Variants in DDX52 observed in about 807,000 individuals in gnomAD.
The protein encoded by DDX52 is DExD-box helicase 52, also known as probable ATP-dependent RNA helicase DDX52.
Under a neutral mutation model 76.1 loss-of-function variants are expected in DDX52, and 59 were observed. That is an observed-to-expected ratio of 0.78 (90% CI 0.63 to 0.96). DDX52 has a LOEUF of 0.96. DDX52 is among the 40% of genes least tolerant of loss of function. DDX52 has a pLI of 0.00. For synonymous variants in DDX52, 231 were observed against 244.1 expected (o/e 0.95, Z 0.50); for missense variants, 707 against 703.9 (o/e 1.00, Z -0.05).
At chr17:37,637,263 G>A (rs1178357150) in intron 2 of DDX52, among the ~76,000 whole-genome samples, 1 of 150,256 alleles carries the variant, frequency 6.7e-6, no homozygotes, top group Non-Finnish European at 1.5e-5. Flanking sequence ...TCCCAGGTAG[G>A]TGAGATTACA....
chr17:37,629,744 A>G (rs2030583928), intron 5 of DDX52, among the ~76,000 whole-genome samples: 1 of 152,212 alleles, frequency 6.6e-6, no homozygotes, highest in South Asian at 2.1e-4. Context: ...GAGAAAAATA[A>G]ATGTCCAAGC....
intron 2 of DDX52, 149 bp from the exon 3 acceptor site, chr17:37,633,567 G>T: frequency 2.2e-6 from 1 of 451,952 alleles, no homozygotes; most frequent in Non-Finnish European, 3.3e-6. Flanking sequence ...GAGTGGGGAG[G>T]ATCATTTGAG....
intron 14 of DDX52, among the ~76,000 whole-genome samples, chr17:37,616,835 C>T (rs1355859894): frequency 2.0e-5 from 3 of 152,184 alleles, no homozygotes; most frequent in African/African-American, 4.8e-5. Flanking sequence ...TATATATACA[C>T]TGTATATTTG....
chr17:37,621,082 C>T (rs934728362), intron 11 of DDX52, 45 bp downstream of exon 11: 2 of 1,582,946 alleles, frequency 1.3e-6, no homozygotes, highest in Non-Finnish European at 1.7e-6. Context: ...GGTCCTAAGA[C>T]AGATCAGTGG....
chr17:37,621,662 T>C, intron 9 of DDX52, 142 bp from the exon 10 acceptor site: 4 of 1,009,394 alleles, frequency 4.0e-6, no homozygotes, highest in Non-Finnish European at 5.6e-6. Context: ...GTGGTCTAAT[T>C]CTGCCTCCAT....
intron 4 of DDX52, among the ~76,000 whole-genome samples, chr17:37,630,390 T>A (rs1342438560): frequency 6.6e-6 from 1 of 152,206 alleles, no homozygotes; most frequent in Non-Finnish European, 1.5e-5. Context: ...TTTGAATGAG[T>A]GTAAAGAATA....
intron 2 of DDX52, among the ~76,000 whole-genome samples, chr17:37,639,281 C>G (rs1050634184): frequency 6.6e-6 from 1 of 151,918 alleles, no homozygotes; most frequent in Admixed American, 6.6e-5. Flanking sequence ...ACAACGTACA[C>G]GAAGAGACAA....
chr17:37,624,200 T>C, intron 9 of DDX52, 144 bp downstream of exon 9: 1 of 522,516 alleles, frequency 1.9e-6, no homozygotes, highest in Non-Finnish European at 3.4e-6. Flanking sequence ...GTTAGCACAA[T>C]GTACTTTCTT....
chr17:37,629,883 G>T, intron 5 of DDX52, 147 bp downstream of exon 5: 2 of 974,988 alleles, frequency 2.1e-6, no homozygotes, highest in Non-Finnish European at 2.9e-6. Flanking sequence ...CATGGAGTAA[G>T]ATCCGGAGCA....
chr17:37,630,273 T>A, intron 4 of DDX52, 100 bp from the exon 5 acceptor site: 3 of 1,218,878 alleles, frequency 2.5e-6, no homozygotes, highest in Non-Finnish European at 3.3e-6. Context: ...ACAAATACAA[T>A]TTTACATAAT....
At chr17:37,623,405 A>G (rs2030203057) in intron 9 of DDX52, among the ~76,000 whole-genome samples, 1 of 152,158 alleles carries the variant, frequency 6.6e-6, no homozygotes, top group African/African-American at 2.4e-5. Flanking sequence ...AGCCTGGGTG[A>G]AAGAGCGAGA....
chr17:37,614,401 T>A (rs780517825), intron 14 of DDX52, 48 bp from the exon 15 acceptor site: 2 of 1,572,486 alleles, frequency 1.3e-6, no homozygotes, highest in Non-Finnish European at 8.7e-7. Context: ...TCTACGTATA[T>A]TTACTTTCCA....
intron 13 of DDX52, 55 bp from the exon 14 acceptor site, chr17:37,618,439 A>T (rs929887476): frequency 7.2e-7 from 1 of 1,395,002 alleles, no homozygotes; most frequent in Non-Finnish European, 9.7e-7. Context: ...CAATTAGAAG[A>T]GTTAAAGCTA....
At position 37,621,169 on chromosome 17, in the gene DDX52, A is replaced by C; in HGVS notation, c.1459T>G (p.Tyr487Asp). Residue 487 changes from tyrosine to aspartate, a missense_variant, in exon 11 of 15, where the codon TAT (tyrosine) becomes GAT (aspartate). Tyr to Asp is a radical substitution (Grantham distance 160). Transcript: ENST00000617633. ...DFKGVNLVIN[Y>D]DFPTSSVEYI... Reference sequence around the variant, plus strand: ...TCCACTGAGCTAGTTGGAAAGTCATAGTTGATCACCAAGTTCACACCTTTA... The same window carrying C: ...TCCACTGAGCTAGTTGGAAAGTCATCGTTGATCACCAAGTTCACACCTTTA... 2.5e-6 allele frequency: 4 copies of C among 1,613,558 alleles called. No homozygotes were observed. Among genetic ancestry groups the C allele is most frequent in the Non-Finnish European group, 3.4e-6 (4 of 1,179,830 alleles).
chr17:37,625,231 G>A lies in DDX52; in HGVS notation c.1136+664C>T, dbSNP rs1367908430. Among the ~76,000 whole-genome samples, 6 of 152,184 alleles carry A rather than the reference G, an allele frequency of 3.9e-5. No homozygotes were observed. The East Asian group carries it at 5.8e-4, about 15-fold the overall frequency. On this transcript the variant is annotated intron_variant, in intron 8 of 14. Coordinates refer to ENST00000617633, the MANE Select transcript of DDX52 (RefSeq NM_007010.5). ...TGGTCTCGAACTCCTGACCTCAGGC[G>A]ATCTACCTGCCTCTGCCTCCCAAAG...
chr17:37,619,934 T>C (rs1038445221), intron 12 of DDX52, 95 bp from the exon 13 acceptor site: 139 of 1,169,834 alleles, frequency 1.2e-4, no homozygotes, highest in Non-Finnish European at 1.4e-4. Flanking sequence ...GAACTAAAAC[T>C]ACACAAAGTA....
At chr17:37,625,678 T>C (rs1205637584) in intron 8 of DDX52, among the ~76,000 whole-genome samples, 2 of 152,148 alleles carry the variant, frequency 1.3e-5, no homozygotes, top group Non-Finnish European at 2.9e-5. Flanking sequence ...AAAAGCATGA[T>C]GACAGGAATG....
chr17:37,628,991 G>A (rs1369601207), intron 5 of DDX52, among the ~76,000 whole-genome samples: 1 of 152,164 alleles, frequency 6.6e-6, no homozygotes, highest in Non-Finnish European at 1.5e-5. Context: ...GCCAAGGTGG[G>A]TGGATCACTT....
intron 9 of DDX52, chr17:37,624,067 G>A (rs1340179797): frequency 4.5e-6 from 1 of 220,054 alleles, no homozygotes. Context: ...AATCTGAGCT[G>A]CGAAAAGACA....
Sources: allele counts gnomAD v4.1 joint callset (sites outside exome capture counted in the v4.1 genomes callset), GRCh38; gene constraint gnomAD v4.1.1; transcripts MANE v1.5; gene names NCBI Gene and HGNC (gene_info 2026-07-23, HGNC 2026-07-21).